Variants in SPPL3 observed in about 807,000 individuals in gnomAD.
SPPL3 encodes signal peptide peptidase-like 3.
SPPL3 carries 5 observed loss-of-function variants against 42.4 expected under a neutral mutation model. The observed-to-expected ratio is 0.12, with a 90% confidence interval of 0.06 to 0.25. The LOEUF (loss-of-function observed/expected upper bound fraction) is 0.25, where lower values mean the gene tolerates loss of function less well. Ranked by LOEUF, SPPL3 falls within the 10% of genes least tolerant of loss-of-function variation. The pLI, the probability that SPPL3 is intolerant of heterozygous loss-of-function variation, is 1.00. For synonymous variants in SPPL3, 195 were observed against 181.8 expected, an observed-to-expected ratio of 1.07 and a Z score of -0.58; for missense variants, 235 against 489.0, an observed-to-expected ratio of 0.48 and a Z score of 4.90.
chr12:120,841,793 T>C (rs1490488972), intron 1 of SPPL3, among the ~76,000 whole-genome samples: 2 of 152,192 alleles, frequency 1.3e-5, no homozygotes, highest in Non-Finnish European at 2.9e-5. Context: ...GAGTGGTAAC[T>C]GAGTTTCCTT....
chr12:120,798,197 G>A lies in SPPL3; in HGVS notation c.102-6640C>T, dbSNP rs368935381. ...GACTCCTCTTCTGAAATATGGTCAG[G>A]TGTCTGATGTGTTGGCTTTCCTGGG... On this transcript the variant is annotated intron_variant, in intron 2 of 10. Transcript: ENST00000353487. Among the ~76,000 whole-genome samples, 12 of 152,086 alleles carry A rather than the reference G, an allele frequency of 7.9e-5. No homozygotes were observed. The South Asian group carries it at 2.1e-3, about 26-fold the overall frequency.
chr12:120,812,996 G>C (rs537838352), intron 1 of SPPL3, among the ~76,000 whole-genome samples: 1 of 152,318 alleles, frequency 6.6e-6, no homozygotes, highest in East Asian at 1.9e-4. Context: ...GGGTAAAGTG[G>C]TGAGGATGGA....
chr12:120,880,507 G>A (rs1261656234), intron 1 of SPPL3, among the ~76,000 whole-genome samples: 1 of 151,940 alleles, frequency 6.6e-6, no homozygotes, highest in African/African-American at 2.4e-5. Flanking sequence ...TTTGCAAATC[G>A]GCCGGGTGTG....
chr12:120,899,367 T>C (rs879901224), intron 1 of SPPL3, among the ~76,000 whole-genome samples: 1 of 152,202 alleles, frequency 6.6e-6, no homozygotes, highest in Non-Finnish European at 1.5e-5. Flanking sequence ...GCATCCTCCT[T>C]ATGTTTAATA....
intron 1 of SPPL3, among the ~76,000 whole-genome samples, chr12:120,847,136 C>T (rs140061818): frequency 6.6e-6 from 1 of 151,658 alleles, no homozygotes; most frequent in East Asian, 1.9e-4. Flanking sequence ...ATGCATAAAA[C>T]CAAACGTAAG....
chr12:120,867,997 T>C (rs1872808069), intron 1 of SPPL3, among the ~76,000 whole-genome samples: 1 of 152,160 alleles, frequency 6.6e-6, no homozygotes, highest in Admixed American at 6.6e-5. Context: ...ACCGCATGCC[T>C]TGGCCTCCCA....
At chr12:120,856,412 C>T (rs1242507827) in intron 1 of SPPL3, among the ~76,000 whole-genome samples, 3 of 150,916 alleles carry the variant, frequency 2.0e-5, no homozygotes, top group Non-Finnish European at 4.4e-5. Flanking sequence ...GGTTAACATG[C>T]TGGAGGGCAG....
At chr12:120,846,968 T>TA (rs1219036408) in intron 1 of SPPL3, among the ~76,000 whole-genome samples, 1 of 152,198 alleles carries the variant, frequency 6.6e-6, no homozygotes, top group Non-Finnish European at 1.5e-5. Flanking sequence ...GCTTGTGCAG[T>TA]AATTAAGTAG....
At chr12:120,866,752 C>G (rs1196148494) in intron 1 of SPPL3, among the ~76,000 whole-genome samples, 1 of 152,168 alleles carries the variant, frequency 6.6e-6, no homozygotes, top group Non-Finnish European at 1.5e-5. Flanking sequence ...TTTTTCTGAA[C>G]TTTTGGCCAT....
At chr12:120,838,195 TGA>T (rs1351766811) in intron 1 of SPPL3, among the ~76,000 whole-genome samples, 2 of 152,240 alleles carry the variant, frequency 1.3e-5, no homozygotes, top group African/African-American at 4.8e-5. Context: ...AATGGTCTCC[TGA>T]GAGATGGGCT....
At chr12:120,867,898 C>CCACCA (rs1339289692) in intron 1 of SPPL3, among the ~76,000 whole-genome samples, 3 of 151,816 alleles carry the variant, frequency 2.0e-5, no homozygotes, top group Non-Finnish European at 4.4e-5. Context: ...CAGGCACCTG[C>CCACCA]CACCACACCC....
intron 2 of SPPL3, among the ~76,000 whole-genome samples, chr12:120,804,100 G>A (rs143206842): frequency 5.8e-4 from 88 of 152,218 alleles, no homozygotes; most frequent in African/African-American, 2.0e-3. Flanking sequence ...TTGGGTATAC[G>A]TAAATGAACT....
At chr12:120,787,651 A>G (rs1211555389) in intron 3 of SPPL3, among the ~76,000 whole-genome samples, 1 of 152,112 alleles carries the variant, frequency 6.6e-6, no homozygotes, top group Non-Finnish European at 1.5e-5. Flanking sequence ...GTCCCTCTCA[A>G]TCACTACTTT....
In SPPL3 at chr12:120,763,191, T is replaced by G. The variant is rs1868733355; in HGVS notation, c.*1808A>C. Reference sequence around the variant, plus strand: ...AGGGAGGAGATGGCTGGGAGCTCTGTTTGGTACCAACAACCAAAGTGAAGA... The same window carrying G: ...AGGGAGGAGATGGCTGGGAGCTCTGGTTGGTACCAACAACCAAAGTGAAGA... On this transcript the variant is annotated 3_prime_UTR_variant, in exon 11 of 11. Coordinates refer to ENST00000353487, the MANE Select transcript of SPPL3 (RefSeq NM_139015.5). The G allele has an allele frequency of 6.6e-6, 1 of 152,198 alleles. No homozygotes were observed. The highest frequency in any genetic ancestry group is 6.5e-5 in the Admixed American group (1 of 15,274). The allele number at this position is 152,198 out of a possible 1,614,324, so 9.4% of individuals were successfully genotyped here. A position where few individuals can be genotyped will look rare whatever the true frequency, so the allele number is the denominator to read the frequency against.
chr12:120,862,373 T>C (rs1872638771), intron 1 of SPPL3, among the ~76,000 whole-genome samples: 1 of 152,108 alleles, frequency 6.6e-6, no homozygotes, highest in African/African-American at 2.4e-5. Context: ...AGGCCCTGCA[T>C]GTTAAGGGCT....
intron 3 of SPPL3, among the ~76,000 whole-genome samples, chr12:120,789,824 C>CAAAAAAAAAAAAAAAAAAAAAAAAA (rs3050392): frequency 3.3e-5 from 1 of 30,464 alleles, no homozygotes; most frequent in African/African-American, 1.1e-4. Flanking sequence ...GACTCCGTCT[C>CAAAAAAAAAAAAAAAAAAAAAAAAA]AAAAAAAAAA....
At chr12:120,832,308 A>G (rs2062844205) in intron 1 of SPPL3, among the ~76,000 whole-genome samples, 1 of 152,172 alleles carries the variant, frequency 6.6e-6, no homozygotes, top group African/African-American at 2.4e-5. Flanking sequence ...TTTGCCTTAT[A>G]TTATTATTTT....
chr12:120,833,827 G>C (rs1252864316), intron 1 of SPPL3, among the ~76,000 whole-genome samples: 2 of 150,254 alleles, frequency 1.3e-5, no homozygotes, highest in Non-Finnish European at 1.5e-5. Context: ...AAGTGACAGA[G>C]GAATATTTAA....
At chr12:120,876,016 A>ACCCC (rs36042995) in intron 1 of SPPL3, among the ~76,000 whole-genome samples, 1 of 144,024 alleles carries the variant, frequency 6.9e-6, no homozygotes, top group African/African-American at 2.5e-5. Context: ...AAACAAACAG[A>ACCCC]CCCCCCCCAC....
Sources: gnomAD v4.1 joint callset for allele counts (sites outside exome capture counted in the v4.1 genomes callset) on GRCh38, gnomAD v4.1.1 for gene constraint, MANE v1.5 for transcripts, NCBI Gene and HGNC (gene_info 2026-07-23, HGNC 2026-07-21) for gene names.